The following PIK3C2G variants were observed in gnomAD, a reference collection of about 807,000 sequenced individuals.
PIK3C2G encodes phosphatidylinositol-4-phosphate 3-kinase catalytic subunit type 2 gamma.
PIK3C2G carries 168 observed loss-of-function variants against 181.1 expected under a neutral mutation model. The observed-to-expected ratio is 0.93, with a 90% confidence interval of 0.82 to 1.05. The LOEUF (loss-of-function observed/expected upper bound fraction) is 1.05, where lower values mean the gene tolerates loss of function less well. PIK3C2G is among the 50% of genes least tolerant of loss of function. The pLI, the probability that PIK3C2G is intolerant of heterozygous loss-of-function variation, is 0.00. For synonymous variants in PIK3C2G, 573 were observed against 592.2 expected (o/e 0.97, Z 0.47); for missense variants, 1,869 against 1,732.8 (o/e 1.08, Z -1.40).
intron 31 of PIK3C2G, among the ~76,000 whole-genome samples, chr12:18,616,741 AAAG>A (rs1403502357): frequency 6.6e-6 from 1 of 152,082 alleles, no homozygotes; most frequent in East Asian, 1.9e-4. Context: ...CTAACCTACA[AAAG>A]AAGCAATAAA....
At chr12:18,597,839 T>G (rs2136515115) in intron 30 of PIK3C2G, among the ~76,000 whole-genome samples, 1 of 152,112 alleles carries the variant, frequency 6.6e-6, no homozygotes, top group Non-Finnish European at 1.5e-5. Flanking sequence ...TCACAAGCAT[T>G]CTTATACACC....
the PIK3C2G span, among the ~76,000 whole-genome samples, chr12:18,676,782 A>G: frequency 1.3e-5 from 2 of 152,128 alleles, no homozygotes; most frequent in South Asian, 4.1e-4. Context: ...GGTGTTAGAA[A>G]AACTAGAAGG....
At chr12:18,595,738 C>T (rs1468175327) in intron 30 of PIK3C2G, among the ~76,000 whole-genome samples, 1 of 152,108 alleles carries the variant, frequency 6.6e-6, no homozygotes, top group East Asian at 1.9e-4. Flanking sequence ...AGTTCTTGCA[C>T]TTGATTTAAT....
At chr12:18,284,381 A>G (rs1191744919) in intron 2 of PIK3C2G, among the ~76,000 whole-genome samples, 1 of 152,170 alleles carries the variant, frequency 6.6e-6, no homozygotes, top group Non-Finnish European at 1.5e-5. Flanking sequence ...TAAGGCAAAT[A>G]AGACAAGGAT....
At chr12:18,326,922 T>G (rs2137510183) in intron 8 of PIK3C2G, among the ~76,000 whole-genome samples, 1 of 152,236 alleles carries the variant, frequency 6.6e-6, no homozygotes, top group East Asian at 1.9e-4. Flanking sequence ...ACATCTTTTT[T>G]CACACACAAA....
chr12:18,326,417 G>T (rs1367368762), intron 8 of PIK3C2G, among the ~76,000 whole-genome samples: 1 of 151,756 alleles, frequency 6.6e-6, no homozygotes, highest in African/African-American at 2.4e-5. Flanking sequence ...TAAATAAAAG[G>T]GTACATAACT....
At chr12:18,258,146 G>T (rs1202752831), upstream of PIK3C2G, among the ~76,000 whole-genome samples, 1 of 152,056 alleles carries the variant, frequency 6.6e-6, no homozygotes, top group Non-Finnish European at 1.5e-5. Flanking sequence ...AATTAATAAT[G>T]AAAATGACAG....
At chr12:18,399,969 T>C in intron 16 of PIK3C2G, 122 bp downstream of exon 16, 1 of 505,054 alleles carries the variant, frequency 2.0e-6, no homozygotes, top group Non-Finnish European at 3.2e-6. Flanking sequence ...TAGTTATGGA[T>C]ATTAATTTTA....
At chr12:18,649,130 A>G (rs531730), downstream of PIK3C2G, among the ~76,000 whole-genome samples, 25,506 of 151,988 alleles carry the variant, frequency 0.17, 2,658 homozygotes, top group African/African-American at 0.29. Context: ...CCTTTCTGCT[A>G]GACGATTATA....
chr12:18,704,334 T>C, the PIK3C2G span, among the ~76,000 whole-genome samples: 1 of 152,090 alleles, frequency 6.6e-6, no homozygotes, highest in Non-Finnish European at 1.5e-5. Context: ...TTCCTTTCTT[T>C]TTTTCAATAT....
At chr12:18,662,350 G>A in the PIK3C2G span, among the ~76,000 whole-genome samples, 2 of 151,880 alleles carry the variant, frequency 1.3e-5, no homozygotes, top group African/African-American at 4.8e-5. Flanking sequence ...ACAAAATTGA[G>A]GGAGAAATTA....
intron 12 of PIK3C2G, among the ~76,000 whole-genome samples, chr12:18,364,554 G>A (rs1481391663): frequency 6.6e-6 from 1 of 152,026 alleles, no homozygotes; most frequent in Non-Finnish European, 1.5e-5. Flanking sequence ...GGTCCAGTAA[G>A]TGTTATTGGG....
intron 31 of PIK3C2G, among the ~76,000 whole-genome samples, chr12:18,628,596 T>C (rs1288368190): frequency 6.6e-6 from 1 of 152,190 alleles, no homozygotes; most frequent in East Asian, 1.9e-4. Context: ...ATTACTAATA[T>C]GCATCATAGA....
At chr12:18,278,847 A>T (rs1214806048) in intron 1 of PIK3C2G, among the ~76,000 whole-genome samples, 1 of 152,118 alleles carries the variant, frequency 6.6e-6, no homozygotes, top group East Asian at 1.9e-4. Context: ...GAAAATTCCT[A>T]GAAATTTCTT....
intron 18 of PIK3C2G, among the ~76,000 whole-genome samples, chr12:18,445,484 G>A (rs1946974460): frequency 6.6e-6 from 1 of 151,934 alleles, no homozygotes; most frequent in African/African-American, 2.4e-5. Context: ...GCAAATTGAA[G>A]ATGGAAGTTT....
At chr12:18,513,588 G>A (rs1942347321) in intron 24 of PIK3C2G, among the ~76,000 whole-genome samples, 1 of 151,594 alleles carries the variant, frequency 6.6e-6, no homozygotes, top group Non-Finnish European at 1.5e-5. Flanking sequence ...GCATATAATT[G>A]CTCATCCCAT....
intron 31 of PIK3C2G, among the ~76,000 whole-genome samples, chr12:18,628,281 C>T (rs1592750948): frequency 6.6e-6 from 1 of 152,214 alleles, no homozygotes; most frequent in East Asian, 1.9e-4. Context: ...CCCATATACA[C>T]ATATGAAAAT....
chr12:18,265,882 C>T (rs1026964676), intron 1 of PIK3C2G, among the ~76,000 whole-genome samples: 1 of 151,608 alleles, frequency 6.6e-6, no homozygotes, highest in African/African-American at 2.4e-5. Context: ...GGCATGGTGG[C>T]AGGCGCCTGT....
intron 13 of PIK3C2G, among the ~76,000 whole-genome samples, chr12:18,373,803 A>G (rs1805559561): frequency 6.6e-6 from 1 of 152,104 alleles, no homozygotes. Flanking sequence ...CAGTGAGCCA[A>G]ATTGGTGCCA....
Sources: allele counts gnomAD v4.1 joint callset (sites outside exome capture counted in the v4.1 genomes callset), GRCh38; gene constraint gnomAD v4.1.1; transcripts MANE v1.5; gene names NCBI Gene and HGNC (gene_info 2026-07-23, HGNC 2026-07-21).